The following SLC14A2 variants were observed in gnomAD, a reference collection of about 807,000 sequenced individuals.
The protein encoded by SLC14A2 is solute carrier family 14 member 2.
In SLC14A2, 91 loss-of-function variants were observed where a neutral mutation model predicts 104.6. That is an observed-to-expected ratio of 0.87 (90% CI 0.73 to 1.04). The LOEUF is 1.04. Among genes scored for constraint, SLC14A2 ranks in the 50% least tolerant of loss-of-function variants. The pLI, the probability that SLC14A2 is intolerant of heterozygous loss-of-function variation, is 0.00. For missense variants in SLC14A2, 1,189 were observed against 1,156.0 expected (o/e 1.03, Z -0.41); for synonymous variants, 476 against 466.4 (o/e 1.02, Z -0.27).
chr18:45,379,959 C>A (rs1304943215), intron 1 of SLC14A2, among the ~76,000 whole-genome samples: 1 of 152,154 alleles, frequency 6.6e-6, no homozygotes, highest in African/African-American at 2.4e-5. Context: ...TAATGCCCAC[C>A]CCACCTTCCT....
chr18:45,396,640 T>TTCTTTTTTCCCTCTTTTTTCCC (rs542561460), intron 1 of SLC14A2, among the ~76,000 whole-genome samples: 1 of 151,494 alleles, frequency 6.6e-6, no homozygotes, highest in Non-Finnish European at 1.5e-5. Flanking sequence ...TTTGTTTTTT[T>TTCTTTTTTCCCTCTTTTTTCCC]TCTTTTTTCC....
chr18:45,591,755 A>G (rs1418221761), intron 2 of SLC14A2, among the ~76,000 whole-genome samples: 3 of 152,224 alleles, frequency 2.0e-5, no homozygotes, highest in African/African-American at 4.8e-5. Flanking sequence ...AGACCCCACT[A>G]TACACTAAGA....
Position 45,641,246 on chromosome 18 carries a change from A to G in SLC14A2, c.1029A>G (p.Thr343=). Residue 343 remains threonine (T), a synonymous_variant, in exon 8 of 20, where the codon ACA becomes ACG. Coordinates refer to ENST00000255226, the MANE Select transcript of SLC14A2 (RefSeq NM_007163.4). ...SVATPFETIY[T]GLWSYNCVLS... ...CCACACCCTTCGAGACCATCTACAC[A>G]GGCCTCTGGAGCTACAACTGCGTCC... 1.9e-6 allele frequency: 3 copies of G among 1,614,156 alleles called. 1 individual carries two copies. Among genetic ancestry groups the G allele is most frequent in the East Asian group, 2.2e-5 (1 of 44,890 alleles).
At chr18:45,533,712 G>A (rs1329177878) in intron 2 of SLC14A2, among the ~76,000 whole-genome samples, 4 of 152,102 alleles carry the variant, frequency 2.6e-5, no homozygotes, top group Non-Finnish European at 5.9e-5. Flanking sequence ...GTTCTGCTCT[G>A]ATCTTAGTTA....
At chr18:45,618,322 A>C (rs1199816363) in intron 1 of SLC14A2, among the ~76,000 whole-genome samples, 1 of 152,154 alleles carries the variant, frequency 6.6e-6, no homozygotes. Flanking sequence ...AGAACCTGCT[A>C]ATCACTTTTA....
chr18:45,262,036 C>T lies in SLC14A2; in HGVS notation c.-125+48845C>T, dbSNP rs540241115. 5.2e-3 allele frequency among the ~76,000 whole-genome samples: 799 copies of T among 152,230 alleles called. 3 individuals carry two copies. Among genetic ancestry groups the T allele is most frequent in the African/African-American group, 0.018 (731 of 41,522 alleles). The stretch of plus-strand genomic sequence containing the variant: ...TACAGTCCCACCAACAGTGTAAAAG[C>T]ATTCCTATTTCTCCACATCCTCTCC... On this transcript the variant is annotated intron_variant, in intron 1 of 20. Coordinates refer to the SLC14A2 transcript ENST00000586448.
chr18:45,380,504 CTA>C (rs2085823213), intron 1 of SLC14A2, among the ~76,000 whole-genome samples: 1 of 152,134 alleles, frequency 6.6e-6, no homozygotes. Context: ...AGAGACAAGT[CTA>C]TGATTGGCAA....
At chr18:45,488,168 C>T (rs1026822998) in intron 2 of SLC14A2, among the ~76,000 whole-genome samples, 1 of 152,036 alleles carries the variant, frequency 6.6e-6, no homozygotes, top group Non-Finnish European at 1.5e-5. Flanking sequence ...GGAGAGTGGA[C>T]TCTTTGAGGA....
At chr18:45,348,123 C>T (rs1455857823) in intron 1 of SLC14A2, among the ~76,000 whole-genome samples, 3 of 152,164 alleles carry the variant, frequency 2.0e-5, no homozygotes, top group African/African-American at 4.8e-5. Flanking sequence ...GACAATTTCT[C>T]CTGCAGGAGT....
At chr18:45,507,673 A>G (rs1023347292) in intron 2 of SLC14A2, among the ~76,000 whole-genome samples, 1 of 152,182 alleles carries the variant, frequency 6.6e-6, no homozygotes, top group South Asian at 2.1e-4. Flanking sequence ...AGGCAGAAAA[A>G]TGCAGAGGAG....
At chr18:45,325,997 G>T (rs943421354) in intron 1 of SLC14A2, among the ~76,000 whole-genome samples, 1 of 152,100 alleles carries the variant, frequency 6.6e-6, no homozygotes, top group Non-Finnish European at 1.5e-5. Context: ...CTACATTCAG[G>T]CTGATCATTC....
chr18:45,229,650 C>G (rs567923014), intron 1 of SLC14A2, among the ~76,000 whole-genome samples: 1 of 152,276 alleles, frequency 6.6e-6, no homozygotes, highest in East Asian at 1.9e-4. Flanking sequence ...CCCTCCTGCA[C>G]TCTACCTGGT....
intron 2 of SLC14A2, among the ~76,000 whole-genome samples, chr18:45,556,581 C>T (rs1160876526): frequency 1.3e-5 from 2 of 152,198 alleles, no homozygotes. Flanking sequence ...CTCTCTATGT[C>T]TTGACTTCCC....
intron 1 of SLC14A2, among the ~76,000 whole-genome samples, chr18:45,269,642 G>T (rs1009259681): frequency 2.0e-5 from 3 of 152,234 alleles, no homozygotes; most frequent in South Asian, 2.1e-4. Flanking sequence ...CAAGACCATA[G>T]CTGCTCATAA....
chr18:45,385,810 A>G (rs1267892300), intron 1 of SLC14A2, among the ~76,000 whole-genome samples: 1 of 152,200 alleles, frequency 6.6e-6, no homozygotes, highest in Non-Finnish European at 1.5e-5. Context: ...GGCAATACAG[A>G]TGTTAGGGTA....
At chr18:45,251,792 A>G (rs577914299) in intron 1 of SLC14A2, among the ~76,000 whole-genome samples, 1 of 152,314 alleles carries the variant, frequency 6.6e-6, no homozygotes, top group Non-Finnish European at 1.5e-5. Flanking sequence ...ATCTCCAAAT[A>G]CAGCCACATT....
At chr18:45,622,293 G>C (rs2045184211) in intron 1 of SLC14A2, among the ~76,000 whole-genome samples, 2 of 152,176 alleles carry the variant, frequency 1.3e-5, no homozygotes, top group South Asian at 2.1e-4. Context: ...AATTTAGAGA[G>C]TAAGAAGAAG....
chr18:45,370,044 A>AAGAG (rs2085706402), intron 1 of SLC14A2, among the ~76,000 whole-genome samples: 1 of 152,194 alleles, frequency 6.6e-6, no homozygotes, highest in Non-Finnish European at 1.5e-5. Context: ...ATCTTCTCTA[A>AAGAG]CCAACACTGA....
intron 2 of SLC14A2, among the ~76,000 whole-genome samples, chr18:45,537,338 T>A (rs2043809020): frequency 6.6e-6 from 1 of 152,180 alleles, no homozygotes. Context: ...AGTAATGAAG[T>A]CTGGGAGTTC....
Sources: allele counts gnomAD v4.1 joint callset (sites outside exome capture counted in the v4.1 genomes callset), GRCh38; gene constraint gnomAD v4.1.1; transcripts MANE v1.5; gene names NCBI Gene and HGNC (gene_info 2026-07-23, HGNC 2026-07-21).